Variants in TBC1D32 observed in about 807,000 individuals in gnomAD.
The protein encoded by TBC1D32 is TBC1 domain family member 32.
TBC1D32 carries 151 observed loss-of-function variants against 170.3 expected under a neutral mutation model. The observed-to-expected ratio is 0.89, with a 90% CI of 0.78 to 1.01. TBC1D32 has a LOEUF of 1.01. TBC1D32 is among the 50% of genes least tolerant of loss of function. The pLI is 0.00. For synonymous variants in TBC1D32, 498 were observed against 488.0 expected (o/e 1.02, Z -0.27); for missense variants, 1,464 against 1,457.1 (o/e 1.00, Z -0.08).
intron 19 of TBC1D32, among the ~76,000 whole-genome samples, chr6:121,241,103 C>A (rs888786983): frequency 1.3e-4 from 19 of 151,986 alleles, no homozygotes; most frequent in African/African-American, 4.3e-4. Flanking sequence ...TGACAATAAG[C>A]ATTAGATAAT....
intron 21 of TBC1D32, among the ~76,000 whole-genome samples, chr6:121,220,508 A>C (rs1328244527): frequency 6.6e-6 from 1 of 152,192 alleles, no homozygotes; most frequent in Non-Finnish European, 1.5e-5. Flanking sequence ...CATGGGATTC[A>C]AGGAAAGAAG....
At chr6:121,268,147 A>T (rs948215974) in intron 15 of TBC1D32, among the ~76,000 whole-genome samples, 3 of 152,022 alleles carry the variant, frequency 2.0e-5, no homozygotes, top group Non-Finnish European at 2.9e-5. Context: ...AATCACAAAG[A>T]TGGGGAGAAA....
intron 21 of TBC1D32, among the ~76,000 whole-genome samples, chr6:121,208,060 C>A (rs1000499464): frequency 2.0e-5 from 3 of 151,766 alleles, no homozygotes; most frequent in Non-Finnish European, 2.9e-5. Flanking sequence ...AGGCTGCTCT[C>A]CTGTTTGGGG....
At chr6:121,095,110 T>A (rs1777248686) in intron 30 of TBC1D32, among the ~76,000 whole-genome samples, 1 of 152,220 alleles carries the variant, frequency 6.6e-6, no homozygotes, top group Non-Finnish European at 1.5e-5. Context: ...GAATTTTGTT[T>A]TATGGTAAAC....
chr6:121,108,067 A>G (rs1452120083), intron 29 of TBC1D32, among the ~76,000 whole-genome samples: 1 of 152,134 alleles, frequency 6.6e-6, no homozygotes, highest in African/African-American at 2.4e-5. Flanking sequence ...AATGCCAAGA[A>G]GAAAATACAC....
At chr6:121,267,478 C>G (rs960086095) in intron 15 of TBC1D32, among the ~76,000 whole-genome samples, 3 of 152,214 alleles carry the variant, frequency 2.0e-5, no homozygotes, top group African/African-American at 7.2e-5. Context: ...TATCCTGCAC[C>G]TGGCTTGGAG....
At chr6:121,184,357 C>T (rs142249169) in intron 22 of TBC1D32, among the ~76,000 whole-genome samples, 1 of 151,860 alleles carries the variant, frequency 6.6e-6, no homozygotes, top group African/African-American at 2.4e-5. Context: ...AATTGAGAGG[C>T]TTGCCATCTC....
chr6:121,235,177 T>G (rs1371415004), intron 20 of TBC1D32, among the ~76,000 whole-genome samples: 1 of 152,162 alleles, frequency 6.6e-6, no homozygotes. Flanking sequence ...TTTGTGTTGC[T>G]TGGCCTCCAG....
intron 22 of TBC1D32, among the ~76,000 whole-genome samples, chr6:121,196,429 G>C (rs920423288): frequency 6.6e-6 from 1 of 152,154 alleles, no homozygotes; most frequent in African/African-American, 2.4e-5. Context: ...TGCTTACAAT[G>C]GACCTCTTCC....
At chr6:121,240,903 T>C (rs1391576378) in intron 19 of TBC1D32, among the ~76,000 whole-genome samples, 2 of 133,824 alleles carry the variant, frequency 1.5e-5, no homozygotes, top group African/African-American at 5.3e-5. Flanking sequence ...AAAAAAGACA[T>C]ACTAAATTTC....
At chr6:121,086,077 ATCT>A (rs1289963782) in intron 31 of TBC1D32, among the ~76,000 whole-genome samples, 3 of 152,116 alleles carry the variant, frequency 2.0e-5, no homozygotes, top group Non-Finnish European at 4.4e-5. Flanking sequence ...TTCTCTACAT[ATCT>A]TCTTCTGTTA....
intron 17 of TBC1D32, among the ~76,000 whole-genome samples, chr6:121,254,262 G>A (rs1227916618): frequency 1.3e-5 from 2 of 151,956 alleles, no homozygotes; most frequent in Non-Finnish European, 2.9e-5. Context: ...GAGGGTAAGG[G>A]ATAAAAAATT....
At chr6:121,098,868 A>G (rs958950538) in intron 30 of TBC1D32, among the ~76,000 whole-genome samples, 9 of 151,914 alleles carry the variant, frequency 5.9e-5, no homozygotes, top group Admixed American at 5.3e-4. Context: ...AGGAAGGGAG[A>G]AGGTATCATC....
intron 3 of TBC1D32, among the ~76,000 whole-genome samples, chr6:121,316,859 GTCAGACAGGCTTCTTTTGGCCTGA>G (rs1401761173): frequency 6.6e-6 from 1 of 152,094 alleles, no homozygotes; most frequent in Non-Finnish European, 1.5e-5. Context: ...CGACACCAGG[GTCAGACAGGCTTCTTTTGGCCTGA>G]TAGCCTCTGT....
chr6:121,316,943 G>C (rs1346993573), intron 3 of TBC1D32, among the ~76,000 whole-genome samples: 1 of 151,996 alleles, frequency 6.6e-6, no homozygotes, highest in African/African-American at 2.4e-5. Context: ...AGTTTTCCTT[G>C]TCTTCTATTA....
intron 20 of TBC1D32, among the ~76,000 whole-genome samples, chr6:121,231,865 G>A (rs1343360076): frequency 6.6e-6 from 1 of 152,110 alleles, no homozygotes; most frequent in Non-Finnish European, 1.5e-5. Context: ...CCACTCTGTG[G>A]GTTGTCTGTT....
Position 121,242,081 on chromosome 6 carries a change from C to T in TBC1D32, c.2157+120G>A, listed in dbSNP as rs954543477. 24 of 1,001,278 alleles carry T rather than the reference C, an allele frequency of 2.4e-5. No individual in the cohort carries two copies. The Admixed American group carries it at 4.2e-4, about 18-fold the overall frequency. 62.0% of individuals were successfully genotyped at this position (1,001,278 alleles called of 1,614,324 possible). On this transcript the variant is annotated intron_variant, in intron 18 of 31. Transcript: ENST00000398212. ...AAAAATCAAGTTGACTATTACAATG[C>T]TATATGGTCTTTTAACAGAGGCTTA...
intron 20 of TBC1D32, among the ~76,000 whole-genome samples, chr6:121,227,601 GT>G (rs34603381): frequency 0.88 from 134,221 of 151,944 alleles, 59,736 homozygotes; most frequent in East Asian, 0.98. Context: ...CTTTAATATG[GT>G]TAAGTCGTAT....
intron 29 of TBC1D32, among the ~76,000 whole-genome samples, chr6:121,107,995 T>G (rs1206871391): frequency 1.3e-5 from 2 of 152,114 alleles, no homozygotes; most frequent in South Asian, 2.1e-4. Context: ...CCATACTTTG[T>G]GGTAACACAG....
Sources: allele counts gnomAD v4.1 joint callset (sites outside exome capture counted in the v4.1 genomes callset), GRCh38; gene constraint gnomAD v4.1.1; transcripts MANE v1.5; gene names NCBI Gene and HGNC (gene_info 2026-07-23, HGNC 2026-07-21).